Variants in ARHGAP15 observed in about 807,000 individuals in gnomAD.
ARHGAP15 encodes the protein Rho GTPase activating protein 15.
Under a neutral mutation model 63.7 loss-of-function variants are expected in ARHGAP15, and 51 were observed. The ratio of observed to expected loss-of-function variants is 0.80; its 90% CI spans 0.64 to 1.01. The LOEUF is 1.01. ARHGAP15 is among the 50% of genes least tolerant of loss of function. The pLI is 0.00. For missense variants in ARHGAP15, 560 were observed against 564.6 expected (o/e 0.99, Z 0.08); for synonymous variants, 191 against 193.8 (o/e 0.99, Z 0.12).
At chr2:143,288,390 C>G (rs1682220199) in intron 6 of ARHGAP15, among the ~76,000 whole-genome samples, 1 of 152,044 alleles carries the variant, frequency 6.6e-6, no homozygotes, top group Admixed American at 6.6e-5. Context: ...ATTACCTTTT[C>G]TAAAGTTTTA....
At chr2:143,385,122 A>G (rs539812676) in intron 6 of ARHGAP15, among the ~76,000 whole-genome samples, 3 of 152,026 alleles carry the variant, frequency 2.0e-5, no homozygotes, top group Non-Finnish European at 4.4e-5. Context: ...TATAAACCAC[A>G]GTGAGGGAAT....
chr2:143,132,806 A>T (rs1688965018), intron 1 of ARHGAP15, among the ~76,000 whole-genome samples: 1 of 152,220 alleles, frequency 6.6e-6, no homozygotes, highest in Non-Finnish European at 1.5e-5. Context: ...AACTTCTTCA[A>T]ATTCCATAAT....
chr2:143,470,555 A>C (rs1019824056), intron 8 of ARHGAP15, among the ~76,000 whole-genome samples: 1 of 150,424 alleles, frequency 6.6e-6, no homozygotes, highest in Non-Finnish European at 1.5e-5. Flanking sequence ...TCATTCTGGG[A>C]AATAGCATAA....
At chr2:143,526,542 A>G (rs150641637) in intron 10 of ARHGAP15, among the ~76,000 whole-genome samples, 21 of 152,292 alleles carry the variant, frequency 1.4e-4, no homozygotes, top group African/African-American at 4.1e-4. Flanking sequence ...CCAAGATGCA[A>G]TACTCTCAAA....
intron 12 of ARHGAP15, among the ~76,000 whole-genome samples, chr2:143,627,837 C>CT (rs1202548585): frequency 6.6e-6 from 1 of 151,870 alleles, no homozygotes; most frequent in African/African-American, 2.4e-5. Flanking sequence ...TTTTTTTCGA[C>CT]TTTTATTTTA....
chr2:143,307,826 A>G (rs76603663), intron 6 of ARHGAP15, among the ~76,000 whole-genome samples: 1,718 of 152,226 alleles, frequency 0.011, 31 homozygotes, highest in South Asian at 0.097. Context: ...TTTCTACGAT[A>G]TAATTCTTAT....
chr2:143,261,384 A>G (rs1210659531), intron 6 of ARHGAP15, among the ~76,000 whole-genome samples: 2 of 117,232 alleles, frequency 1.7e-5, no homozygotes, highest in Non-Finnish European at 3.2e-5. Flanking sequence ...CCCAGGCTTG[A>G]GTGGAGTACA....
At chr2:143,493,277 A>AC (rs1189908683) in intron 9 of ARHGAP15, among the ~76,000 whole-genome samples, 1 of 152,084 alleles carries the variant, frequency 6.6e-6, no homozygotes, top group East Asian at 1.9e-4. Context: ...GTTTCACGTT[A>AC]CCTCCATGGC....
At chr2:143,298,372 T>C (rs942315664) in intron 6 of ARHGAP15, among the ~76,000 whole-genome samples, 3 of 151,988 alleles carry the variant, frequency 2.0e-5, no homozygotes, top group African/African-American at 7.2e-5. Context: ...TAGTACACCA[T>C]GGTATTGACA....
At chr2:143,514,299 C>T (rs1693712894) in intron 9 of ARHGAP15, among the ~76,000 whole-genome samples, 1 of 152,098 alleles carries the variant, frequency 6.6e-6, no homozygotes. Flanking sequence ...ACTAAATAGT[C>T]ACTGAATGGA....
At chr2:143,241,921 G>A (rs151068771) in intron 5 of ARHGAP15, among the ~76,000 whole-genome samples, 7 of 152,150 alleles carry the variant, frequency 4.6e-5, no homozygotes, top group Non-Finnish European at 8.8e-5. Context: ...TCAAAGAGAC[G>A]GAGAGAAAAG....
intron 6 of ARHGAP15, among the ~76,000 whole-genome samples, chr2:143,352,454 A>T (rs546190449): frequency 1.3e-5 from 2 of 152,280 alleles, no homozygotes; most frequent in East Asian, 3.9e-4. Context: ...TTTCATTTCA[A>T]TCACTCTGAT....
At chr2:143,181,946 AT>A (rs371579129) in intron 2 of ARHGAP15, among the ~76,000 whole-genome samples, 5 of 145,294 alleles carry the variant, frequency 3.4e-5, no homozygotes, top group African/African-American at 7.6e-5. Flanking sequence ...CTAGCTTTTG[AT>A]TTTTTTTTTT....
At chr2:143,555,583 T>C (rs1695752281) in intron 10 of ARHGAP15, among the ~76,000 whole-genome samples, 1 of 152,154 alleles carries the variant, frequency 6.6e-6, no homozygotes, top group East Asian at 1.9e-4. Flanking sequence ...AACTAGATTC[T>C]ATAAATAGAT....
intron 11 of ARHGAP15, among the ~76,000 whole-genome samples, chr2:143,579,111 G>A (rs1281931447): frequency 6.6e-6 from 1 of 152,126 alleles, no homozygotes; most frequent in Non-Finnish European, 1.5e-5. Flanking sequence ...GGCAAATGCT[G>A]TAAGATGACA....
At chr2:143,238,222 G>A (rs537040784) in intron 5 of ARHGAP15, 4 of 152,172 alleles carry the variant, frequency 2.6e-5, no homozygotes, top group Non-Finnish European at 4.4e-5. Flanking sequence ...AAGAGCTTCC[G>A]CACAGCAAAA....
chr2:143,410,030 T>G (rs1179135720), intron 6 of ARHGAP15, among the ~76,000 whole-genome samples: 1 of 152,064 alleles, frequency 6.6e-6, no homozygotes, highest in African/African-American at 2.4e-5. Flanking sequence ...GTAAAAAAAA[T>G]TAAATAAAAC....
chr2:143,754,681 G>A (rs903102209), intron 13 of ARHGAP15, among the ~76,000 whole-genome samples: 15 of 152,172 alleles, frequency 9.9e-5, no homozygotes, highest in African/African-American at 3.6e-4. Context: ...GATTAGCAAG[G>A]ACCAGGGCCT....
intron 13 of ARHGAP15, among the ~76,000 whole-genome samples, chr2:143,724,850 C>A (rs1052691386): frequency 2.6e-5 from 4 of 152,104 alleles, no homozygotes; most frequent in Admixed American, 6.5e-5. Flanking sequence ...GTCTGAAGAG[C>A]ATCATCAAAT....
Sources: allele counts gnomAD v4.1 joint callset (sites outside exome capture counted in the v4.1 genomes callset), GRCh38; gene constraint gnomAD v4.1.1; transcripts MANE v1.5; gene names NCBI Gene and HGNC (gene_info 2026-07-23, HGNC 2026-07-21).